CDH7: variants seen among roughly 807,000 people sequenced by gnomAD.
The protein encoded by CDH7 is cadherin-7.
In CDH7, 25 loss-of-function variants were observed where a neutral mutation model predicts 71.8. That is an observed-to-expected ratio of 0.35 (90% CI 0.25 to 0.49). CDH7 has a LOEUF of 0.49. Among genes scored for constraint, CDH7 ranks in the 20% least tolerant of loss-of-function variants. The probability of loss-of-function intolerance (pLI) is 0.99; values close to 1 mark genes in which losing one functional copy is unlikely to be tolerated. For missense variants in CDH7, 862 were observed against 974.6 expected (o/e 0.88, Z 1.54); for synonymous variants, 381 against 363.8 (o/e 1.05, Z -0.54).
intron 2 of CDH7, among the ~76,000 whole-genome samples, chr18:65,792,037 T>G (rs1037058250): frequency 1.3e-5 from 2 of 152,182 alleles, no homozygotes; most frequent in African/African-American, 4.8e-5. Flanking sequence ...CATTAAAGTT[T>G]GAAAACTACA....
chr18:65,824,550 A>G, intron 5 of CDH7, 94 bp from the exon 6 acceptor site: 1 of 705,788 alleles, frequency 1.4e-6, no homozygotes. Flanking sequence ...AATAAAAAGA[A>G]GTTGTGCTAC....
chr18:65,862,647 T>A lies in CDH7; in HGVS notation c.1613-19T>A. The A allele has an allele frequency of 6.2e-7, 1 of 1,610,930 alleles. No homozygotes were observed. The highest frequency in any genetic ancestry group is 8.5e-7 in the Non-Finnish European group (1 of 1,177,698). ...TCCATCAGAAATCTGGTGTTATACATTTGCTTTCGTTATCCTAGACAACAC... is the reference window on the plus strand; with the variant it reads ...TCCATCAGAAATCTGGTGTTATACAATTGCTTTCGTTATCCTAGACAACAC... On this transcript the variant is annotated intron_variant, in intron 10 of 11. Coordinates refer to ENST00000397968, the MANE Select transcript of CDH7 (RefSeq NM_004361.5).
At chr18:65,807,616 G>A (rs1288217562) in intron 2 of CDH7, among the ~76,000 whole-genome samples, 1 of 152,194 alleles carries the variant, frequency 6.6e-6, no homozygotes, top group East Asian at 1.9e-4. Flanking sequence ...ACAGATGAGG[G>A]TGAGGGAGCA....
At chr18:65,831,054 AAGAC>A (rs565861110) in intron 6 of CDH7, among the ~76,000 whole-genome samples, 152 of 152,306 alleles carry the variant, frequency 1.0e-3, no homozygotes, top group Middle Eastern at 3.4e-3. Context: ...CTCAGGGAAT[AAGAC>A]AGAATAATAC....
intron 7 of CDH7, among the ~76,000 whole-genome samples, chr18:65,857,016 TAA>T (rs5825658): frequency 0.08 from 11,596 of 144,560 alleles, 1,450 homozygotes; most frequent in African/African-American, 0.28. Flanking sequence ...GAGTAAGATT[TAA>T]AAAAAAAAAA....
chr18:65,790,513 A>C (rs1008482778), intron 2 of CDH7, among the ~76,000 whole-genome samples: 3 of 152,140 alleles, frequency 2.0e-5, no homozygotes, highest in African/African-American at 7.2e-5. Flanking sequence ...CCAAGTAGTC[A>C]GGAATACTAT....
intron 11 of CDH7, among the ~76,000 whole-genome samples, chr18:65,876,123 G>GTATT (rs1247625501): frequency 6.6e-6 from 1 of 152,112 alleles, no homozygotes; most frequent in African/African-American, 2.4e-5. Flanking sequence ...GATTCATACT[G>GTATT]TATTTATCTG....
chr18:65,774,391 A>G (rs1040640433), intron 2 of CDH7, among the ~76,000 whole-genome samples: 1 of 152,008 alleles, frequency 6.6e-6, no homozygotes, highest in Non-Finnish European at 1.5e-5. Context: ...GAGAAACCCA[A>G]TATCTCTTCT....
chr18:65,887,528 G>T lies in CDH7; in HGVS notation c.*6634G>T, dbSNP rs1322151477. ...TAAATGCCCAAAAATAAAAGGAAAA[G>T]GAAAAATAAGTCACTACACAACTTA... On this transcript the variant is annotated 3_prime_UTR_variant, in exon 12 of 12. Coordinates refer to ENST00000397968, the MANE Select transcript of CDH7 (RefSeq NM_004361.5). 1 of 149,502 alleles carries T rather than the reference G, an allele frequency of 6.7e-6. No individual in the cohort carries two copies. Among genetic ancestry groups the T allele is most frequent in the Non-Finnish European group, 1.5e-5 (1 of 67,708 alleles). The allele number at this position is 149,502 out of a possible 1,614,324, so 9.3% of individuals were successfully genotyped here.
intron 2 of CDH7, among the ~76,000 whole-genome samples, chr18:65,799,626 A>G (rs1272909309): frequency 6.6e-6 from 1 of 151,946 alleles, no homozygotes; most frequent in Admixed American, 6.6e-5. Context: ...CAGTGAGCTG[A>G]GATCTCGCCA....
chr18:65,780,218 G>A, intron 2 of CDH7, among the ~76,000 whole-genome samples: 1 of 118,482 alleles, frequency 8.4e-6, no homozygotes, highest in Non-Finnish European at 1.7e-5. Context: ...TTTGTCAGAT[G>A]AGTAGGTTGC....
At chr18:65,806,793 A>G (rs1258359322) in intron 2 of CDH7, among the ~76,000 whole-genome samples, 1 of 152,114 alleles carries the variant, frequency 6.6e-6, no homozygotes, top group Non-Finnish European at 1.5e-5. Context: ...TCAAGGAGAG[A>G]GGAGTTTTTT....
intron 7 of CDH7, among the ~76,000 whole-genome samples, chr18:65,854,502 T>A (rs1283467377): frequency 1.7e-5 from 2 of 119,132 alleles, no homozygotes; most frequent in African/African-American, 5.0e-5. Context: ...ATTAAATAAA[T>A]TCTCAACTTT....
rs373812489 is a variant in CDH7 at position 65,880,888 on chromosome 18, C to T, written c.2352C>T (p.Tyr784=). 1.9e-6 allele frequency: 3 copies of T among 1,594,360 alleles called. No individual in the cohort carries two copies. In the African/African-American group the frequency reaches 4.1e-5, roughly 22 times the overall value. The change falls in exon 12 of 12, where the codon TAC becomes TAT. Residue 784 remains tyrosine, a synonymous_variant. Transcript: ENST00000397968. ...ATGGGACTGGCCAAGAGAGTTTGTA[C>T]TCATAGCCTTGGAACCTTAATTCGA... The part of the protein sequence containing the change: ...DMYGTGQESL[Y]S
At chr18:65,799,343 G>T (rs764184160) in intron 2 of CDH7, among the ~76,000 whole-genome samples, 1 of 152,028 alleles carries the variant, frequency 6.6e-6, no homozygotes. Flanking sequence ...GGAAAGAGAA[G>T]CATACATCAA....
rs1913612636 is a variant in CDH7 at position 65,862,723 on chromosome 18, T to C, written c.1670T>C (p.Val557Ala). 1 of 1,614,066 alleles carries C rather than the reference T, an allele frequency of 6.2e-7. No homozygotes were observed. The highest frequency in any genetic ancestry group is 1.3e-5 in the African/African-American group (1 of 75,028). The change falls in exon 11 of 12, where the codon GTT becomes GCT. Residue 557 changes from valine (V) to alanine (A), a missense_variant. Val to Ala is a moderately conservative substitution (Grantham distance 64, BLOSUM62 0). Coordinates refer to ENST00000397968, the MANE Select transcript of CDH7 (RefSeq NM_004361.5). ...RNGFRRQEQS[V>A]YYLPIFIVDS... ...GGCTTCCGGAGACAGGAACAATCAG[T>C]TTACTATCTGCCAATTTTCATTGTG...
chr18:65,868,645 T>A (rs1391585514), intron 11 of CDH7, among the ~76,000 whole-genome samples: 4 of 152,186 alleles, frequency 2.6e-5, no homozygotes, highest in Non-Finnish European at 2.9e-5. Flanking sequence ...TATAGTATCT[T>A]CCAATTCCTT....
At chr18:65,840,978 T>C (rs1022571947) in intron 6 of CDH7, among the ~76,000 whole-genome samples, 3 of 152,112 alleles carry the variant, frequency 2.0e-5, no homozygotes, top group Non-Finnish European at 2.9e-5. Flanking sequence ...CAATGAGAAG[T>C]CATATAAAAA....
chr18:65,812,158 G>GTTGTATTTTTACAACAAT (rs1203794078), intron 3 of CDH7, among the ~76,000 whole-genome samples: 5 of 151,606 alleles, frequency 3.3e-5, no homozygotes, highest in Admixed American at 6.6e-5. Context: ...TACTAGAAAT[G>GTTGTATTTTTACAACAAT]GGGTTTCACC....
Sources: gnomAD v4.1 joint callset for allele counts (sites outside exome capture counted in the v4.1 genomes callset) on GRCh38, gnomAD v4.1.1 for gene constraint, MANE v1.5 for transcripts, NCBI Gene and HGNC (gene_info 2026-07-23, HGNC 2026-07-21) for gene names.